The following FER variants were observed in gnomAD, a reference collection of about 807,000 sequenced individuals.
FER encodes tyrosine-protein kinase Fer.
A neutral mutation model predicts 111.0 loss-of-function variants in FER; 63 were observed. That is an observed-to-expected ratio of 0.57 (90% CI 0.46 to 0.70). The LOEUF is 0.70. Ranked by LOEUF, FER falls within the 30% of genes least tolerant of loss-of-function variation. The pLI is 0.00. For missense variants in FER, 914 were observed against 954.0 expected (o/e 0.96, Z 0.55); for synonymous variants, 327 against 313.9 (o/e 1.04, Z -0.44).
intron 16 of FER, among the ~76,000 whole-genome samples, chr5:109,086,137 T>C (rs1039922866): frequency 1.3e-5 from 2 of 151,778 alleles, no homozygotes; most frequent in Non-Finnish European, 3.0e-5. Flanking sequence ...TTTTATAGAA[T>C]TTACCAATGA....
intron 17 of FER, among the ~76,000 whole-genome samples, chr5:109,158,497 C>A (rs994770358): frequency 6.6e-6 from 1 of 152,082 alleles, no homozygotes; most frequent in Non-Finnish European, 1.5e-5. Context: ...AGGGAGAATG[C>A]TTCACTTAAG....
chr5:109,124,151 T>C (rs963137820), intron 17 of FER, among the ~76,000 whole-genome samples: 1 of 152,018 alleles, frequency 6.6e-6, no homozygotes, highest in Admixed American at 6.6e-5. Flanking sequence ...TGACAGAACC[T>C]GGGAAGTCGA....
chr5:109,046,809 G>C (rs1248379543), intron 15 of FER, among the ~76,000 whole-genome samples: 27 of 152,096 alleles, frequency 1.8e-4, no homozygotes, highest in Non-Finnish European at 1.2e-4. Context: ...ATGGTTTAAA[G>C]TATATAAGAG....
intron 8 of FER, among the ~76,000 whole-genome samples, chr5:108,878,263 A>C (rs773304552): frequency 1.3e-5 from 2 of 152,200 alleles, no homozygotes; most frequent in Non-Finnish European, 2.9e-5. Context: ...TAAAGCATGC[A>C]GATGATAAAA....
chr5:109,110,929 G>A (rs1749535042), intron 17 of FER, among the ~76,000 whole-genome samples: 1 of 152,098 alleles, frequency 6.6e-6, no homozygotes. Context: ...ACAATCATGA[G>A]CAAGATGGAC....
chr5:108,879,876 A>G (rs531604054), intron 8 of FER, among the ~76,000 whole-genome samples: 90 of 151,072 alleles, frequency 6.0e-4, no homozygotes, highest in African/African-American at 2.0e-3. Context: ...CACCCAGCTA[A>G]TTTTTGTATT....
rs1210553274 is a variant in FER, at chr5:109,193,748, G to A, written c.*6173G>A. The A allele has an allele frequency of 6.6e-6, 1 of 152,094 alleles. No homozygotes were observed. The highest frequency in any genetic ancestry group is 1.5e-5 in the Non-Finnish European group (1 of 68,022). The allele number at this position is 152,094 out of a possible 1,614,324, so 9.4% of individuals were successfully genotyped here. On this transcript the variant is annotated 3_prime_UTR_variant, in exon 20 of 20. Transcript: ENST00000281092. ...TTCAAGATTTTGCTTTACCAAAATA[G>A]TAAAGCCTTTATCATCAGCTTATAT...
At chr5:109,007,393 A>G (rs1019522746) in intron 13 of FER, among the ~76,000 whole-genome samples, 1 of 152,212 alleles carries the variant, frequency 6.6e-6, no homozygotes. Flanking sequence ...ACAAATTCAT[A>G]TAGTTGTTTA....
intron 13 of FER, among the ~76,000 whole-genome samples, chr5:108,993,251 T>A (rs1271410502): frequency 6.6e-6 from 1 of 152,214 alleles, no homozygotes; most frequent in Non-Finnish European, 1.5e-5. Context: ...TGGGCACCAT[T>A]GAGCACTGAG....
At chr5:108,983,803 C>T (rs1417888918) in intron 13 of FER, among the ~76,000 whole-genome samples, 1 of 152,142 alleles carries the variant, frequency 6.6e-6, no homozygotes, top group Admixed American at 6.6e-5. Context: ...AAATGCACTA[C>T]CCAGATTCTT....
intron 16 of FER, among the ~76,000 whole-genome samples, chr5:109,070,040 C>G (rs1430537498): frequency 6.6e-6 from 1 of 151,938 alleles, no homozygotes; most frequent in Non-Finnish European, 1.5e-5. Flanking sequence ...TGCCTATTCT[C>G]CTCATTAAGT....
intron 13 of FER, among the ~76,000 whole-genome samples, chr5:108,971,509 G>A (rs1324261549): frequency 2.0e-5 from 3 of 152,086 alleles, no homozygotes; most frequent in Non-Finnish European, 4.4e-5. Flanking sequence ...TTTGTTTAAA[G>A]CAAAATTTTA....
chr5:108,962,799 G>A (rs1759309707), intron 13 of FER, among the ~76,000 whole-genome samples: 1 of 152,096 alleles, frequency 6.6e-6, no homozygotes, highest in African/African-American at 2.4e-5. Context: ...TATGAATGAA[G>A]AGCTAAAGAT....
At chr5:109,080,914 G>A (rs1776913980) in intron 16 of FER, among the ~76,000 whole-genome samples, 1 of 151,778 alleles carries the variant, frequency 6.6e-6, no homozygotes, top group Non-Finnish European at 1.5e-5. Context: ...AAGTAAAGAG[G>A]GACAATGCTG....
intron 10 of FER, among the ~76,000 whole-genome samples, chr5:108,902,179 G>A (rs1750127900): frequency 6.6e-6 from 1 of 152,056 alleles, no homozygotes; most frequent in Non-Finnish European, 1.5e-5. Context: ...CTCTATTAAA[G>A]AGGAAAAAAA....
intron 8 of FER, among the ~76,000 whole-genome samples, chr5:108,880,143 A>G (rs1394691511): frequency 6.6e-6 from 1 of 152,146 alleles, no homozygotes; most frequent in East Asian, 1.9e-4. Flanking sequence ...GTCTGACACA[A>G]GGAATGTGTT....
At chr5:109,180,070 T>G (rs552019198) in intron 17 of FER, among the ~76,000 whole-genome samples, 10 of 152,276 alleles carry the variant, frequency 6.6e-5, no homozygotes, top group African/African-American at 2.2e-4. Context: ...CAAGCTTGCC[T>G]CATTTAGGGA....
At chr5:108,897,948 C>G (rs1008242052) in intron 10 of FER, 100 bp downstream of exon 10, 7 of 1,091,566 alleles carry the variant, frequency 6.4e-6, no homozygotes, top group African/African-American at 4.9e-5. Flanking sequence ...AATTGTTACT[C>G]TTGTTAATAT....
At chr5:108,805,724 G>A (rs1039444903) in intron 3 of FER, among the ~76,000 whole-genome samples, 2 of 152,080 alleles carry the variant, frequency 1.3e-5, no homozygotes, top group Non-Finnish European at 2.9e-5. Flanking sequence ...GAGATTTATC[G>A]AAATTTGAAC....
Sources: allele counts gnomAD v4.1 joint callset (sites outside exome capture counted in the v4.1 genomes callset), GRCh38; gene constraint gnomAD v4.1.1; transcripts MANE v1.5; gene names NCBI Gene and HGNC (gene_info 2026-07-23, HGNC 2026-07-21).